Variants in MACROD2 observed in about 807,000 individuals in gnomAD.
MACROD2 encodes the protein mono-ADP ribosylhydrolase 2.
Under a neutral mutation model 70.4 loss-of-function variants are expected in MACROD2, and 36 were observed. The ratio of observed to expected loss-of-function variants is 0.51; its 90% CI spans 0.39 to 0.68. The LOEUF is 0.68. MACROD2 is among the 30% of genes least tolerant of loss of function. MACROD2 has a pLI of 0.00. For missense variants in MACROD2, 496 were observed against 538.4 expected, an observed-to-expected ratio of 0.92 and a Z score of 0.78; for synonymous variants, 172 against 178.8, an observed-to-expected ratio of 0.96 and a Z score of 0.30.
intron 5 of MACROD2, among the ~76,000 whole-genome samples, chr20:14,970,662 T>C (rs1264056696): frequency 6.6e-6 from 1 of 151,868 alleles, no homozygotes; most frequent in Non-Finnish European, 1.5e-5. Flanking sequence ...CATTCATTGA[T>C]TTAAGAGAGT....
chr20:14,163,996 G>A (rs997725193), intron 3 of MACROD2, among the ~76,000 whole-genome samples: 2 of 151,862 alleles, frequency 1.3e-5, no homozygotes, highest in African/African-American at 4.8e-5. Context: ...TCTTTTGGAG[G>A]TGGCATATTT....
At chr20:14,260,318 G>A (rs2082091496) in intron 3 of MACROD2, among the ~76,000 whole-genome samples, 2 of 152,296 alleles carry the variant, frequency 1.3e-5, no homozygotes, top group Admixed American at 1.3e-4. Context: ...TGCCACTAGT[G>A]GGTAGTGTTA....
At chr20:14,722,802 GC>G (rs1387370724) in intron 5 of MACROD2, among the ~76,000 whole-genome samples, 2 of 152,122 alleles carry the variant, frequency 1.3e-5, no homozygotes, top group African/African-American at 4.8e-5. Context: ...TATTGTCTCT[GC>G]TTCTTAGTAG....
chr20:15,784,922 G>A (rs1287868051), intron 8 of MACROD2, among the ~76,000 whole-genome samples: 1 of 152,034 alleles, frequency 6.6e-6, no homozygotes, highest in Admixed American at 6.5e-5. Flanking sequence ...GCCAAGATGG[G>A]CAGATCACCA....
At chr20:15,972,260 T>G (rs528403847) in intron 13 of MACROD2, among the ~76,000 whole-genome samples, 30 of 152,152 alleles carry the variant, frequency 2.0e-4, no homozygotes, top group Admixed American at 8.5e-4. Flanking sequence ...ACAATATAAA[T>G]GAATGTGAAT....
chr20:15,112,982 T>TGTGTG (rs1241048378), intron 5 of MACROD2, among the ~76,000 whole-genome samples: 2 of 95,976 alleles, frequency 2.1e-5, no homozygotes, highest in Admixed American at 1.0e-4. Flanking sequence ...GTGTGTGTGT[T>TGTGTG]TGTGTGTGTA....
In MACROD2 at chr20:14,574,375, C is replaced by CCATTCATT. The variant is rs3044717; in HGVS notation, c.301+80887_301+80894dup. ...AAATCAAACCATAGCATTTACCCTG[C>CCATTCATT]CATTCATTCATTCATTCATTCATTC... is the stretch of plus-strand genomic sequence containing the variant. On this transcript the variant is annotated intron_variant, in intron 4 of 17. Coordinates refer to ENST00000684519, the MANE Select transcript of MACROD2 (RefSeq NM_001351661.2). Among the ~76,000 whole-genome samples the CCATTCATT allele has an allele frequency of 1.7e-3, 254 of 152,144 alleles. 2 individuals are homozygous for CCATTCATT. Among genetic ancestry groups the CCATTCATT allele is most frequent in the Non-Finnish European group, 3.3e-3 (224 of 67,986 alleles).
chr20:14,331,587 A>G (rs1188728981), intron 3 of MACROD2, among the ~76,000 whole-genome samples: 1 of 152,162 alleles, frequency 6.6e-6, no homozygotes, highest in African/African-American at 2.4e-5. Context: ...AATGAAGATT[A>G]CGTTCAGAGC....
intron 2 of MACROD2, among the ~76,000 whole-genome samples, chr20:14,047,551 AT>A (rs923618781): frequency 3.3e-5 from 5 of 151,542 alleles, no homozygotes; most frequent in East Asian, 1.9e-4. Context: ...TATCCAGATA[AT>A]TTTTTTTTCC....
intron 8 of MACROD2, among the ~76,000 whole-genome samples, chr20:15,617,248 G>A (rs1204393931): frequency 1.3e-5 from 2 of 152,006 alleles, no homozygotes; most frequent in African/African-American, 2.4e-5. Context: ...AATGTGGTTC[G>A]ACAGCACAGG....
At chr20:14,913,572 A>G (rs963280740) in intron 5 of MACROD2, among the ~76,000 whole-genome samples, 2 of 152,154 alleles carry the variant, frequency 1.3e-5, no homozygotes, top group African/African-American at 4.8e-5. Context: ...CTGTAGTCCC[A>G]GCAACTCATG....
chr20:15,188,658 G>T (rs907140332), intron 5 of MACROD2, among the ~76,000 whole-genome samples: 3 of 152,186 alleles, frequency 2.0e-5, no homozygotes, highest in African/African-American at 7.2e-5. Context: ...GAGAGACTCA[G>T]GTGATGAAAA....
At chr20:14,930,139 G>T (rs985807266) in intron 5 of MACROD2, among the ~76,000 whole-genome samples, 2 of 131,734 alleles carry the variant, frequency 1.5e-5, no homozygotes, top group Non-Finnish European at 3.2e-5. Context: ...TCCAGCCTGG[G>T]TGAGAGAGTG....
intron 13 of MACROD2, among the ~76,000 whole-genome samples, chr20:15,981,098 G>A (rs1318581075): frequency 1.3e-5 from 2 of 152,346 alleles, no homozygotes; most frequent in South Asian, 4.1e-4. Context: ...TTTATGGGCA[G>A]TAAAAAGAAA....
intron 8 of MACROD2, among the ~76,000 whole-genome samples, chr20:15,571,507 A>G (rs2048375991): frequency 6.6e-6 from 1 of 151,906 alleles, no homozygotes. Context: ...TATCTTAGTT[A>G]TAAACTTTAT....
chr20:14,311,340 T>A (rs978700550), intron 3 of MACROD2, among the ~76,000 whole-genome samples: 1 of 152,174 alleles, frequency 6.6e-6, no homozygotes, highest in Non-Finnish European at 1.5e-5. Flanking sequence ...TATAGTAACA[T>A]GCGGTACAGG....
intron 5 of MACROD2, among the ~76,000 whole-genome samples, chr20:15,205,828 A>T (rs1205972460): frequency 6.6e-6 from 1 of 152,248 alleles, no homozygotes; most frequent in Non-Finnish European, 1.5e-5. Context: ...GAAGGGATTT[A>T]TACTCCAGCT....
At chr20:14,594,952 C>T (rs73612371) in intron 4 of MACROD2, among the ~76,000 whole-genome samples, 2,318 of 152,098 alleles carry the variant, frequency 0.015, 131 homozygotes, top group Admixed American at 0.1. Context: ...AATTTCACTG[C>T]CATTATTTCA....
chr20:16,040,100 T>C (rs1028354752), intron 15 of MACROD2, among the ~76,000 whole-genome samples: 5 of 151,994 alleles, frequency 3.3e-5, no homozygotes, highest in Admixed American at 1.3e-4. Flanking sequence ...TTTGTTCTTC[T>C]TTTCCCACTC....
Sources: allele counts gnomAD v4.1 joint callset (sites outside exome capture counted in the v4.1 genomes callset), GRCh38; gene constraint gnomAD v4.1.1; transcripts MANE v1.5; gene names NCBI Gene and HGNC (gene_info 2026-07-23, HGNC 2026-07-21).